The following TASP1 variants were observed in gnomAD, a reference collection of about 807,000 sequenced individuals.
TASP1 encodes taspase 1.
A neutral mutation model predicts 56.6 loss-of-function variants in TASP1; 16 were observed. The observed-to-expected ratio is 0.28, with a 90% CI of 0.19 to 0.43. TASP1 has a LOEUF of 0.43. TASP1 is among the 20% of genes least tolerant of loss of function. The pLI is 1.00. For missense variants in TASP1, 393 were observed against 511.6 expected (o/e 0.77, Z 2.24); for synonymous variants, 179 against 184.2 (o/e 0.97, Z 0.23).
At position 13,596,326 on chromosome 20, in the gene TASP1, G is replaced by C. The variant is rs994825122; in HGVS notation, c.283-8956C>G. Among the ~76,000 whole-genome samples, 4 of 148,804 alleles carry C rather than the reference G, an allele frequency of 2.7e-5. No homozygotes were observed. In the Admixed American group the frequency reaches 2.7e-4, roughly 10 times the overall value. The stretch of plus-strand genomic sequence containing the variant: ...GGAGGCGGAGGTTGCAGTGAGCCAA[G>C]ATCACACCATTGCACTCCAGCCTGG... On this transcript the variant is annotated intron_variant, in intron 4 of 13. Transcript: ENST00000337743.
the TASP1 span, among the ~76,000 whole-genome samples, chr20:13,220,144 C>T: frequency 2.6e-5 from 4 of 151,856 alleles, no homozygotes; most frequent in Non-Finnish European, 5.9e-5. Context: ...AGGGCTGGGC[C>T]GGCGCTGGGG....
chr20:13,580,874 G>A lies in TASP1; in HGVS notation c.488+23C>T, dbSNP rs546979957. 1.9e-6 allele frequency: 3 copies of A among 1,611,870 alleles called. No homozygotes were observed. The African/African-American group carries it at 4.0e-5, about 22-fold the overall frequency. ...TAAAAATGCACTAAAGACAGGGAAA[G>A]TCAGGAAGAACAAAGTGGTTACCAG... is the stretch of plus-strand genomic sequence containing the variant. On this transcript the variant is annotated intron_variant, in intron 6 of 13. Transcript: ENST00000337743.
the TASP1 span, among the ~76,000 whole-genome samples, chr20:13,290,251 T>A: frequency 6.6e-6 from 1 of 150,656 alleles, no homozygotes; most frequent in Non-Finnish European, 1.5e-5. Context: ...AAGCAATAAA[T>A]AATAACAATA....
chr20:13,515,548 T>TA (rs34077486), intron 10 of TASP1, among the ~76,000 whole-genome samples: 3,793 of 122,822 alleles, frequency 0.031, 138 homozygotes, highest in African/African-American at 0.095. Flanking sequence ...TTCATACACT[T>TA]AAAAAAAAAA....
At chr20:13,580,791 T>C (rs1303401412) in intron 6 of TASP1, 106 bp downstream of exon 6, 6 of 1,064,664 alleles carry the variant, frequency 5.6e-6, no homozygotes, top group Non-Finnish European at 2.8e-6. Context: ...ACAAAGTTTG[T>C]CTTCTTCGCA....
chr20:13,114,784 G>A, the TASP1 span, among the ~76,000 whole-genome samples: 2 of 152,044 alleles, frequency 1.3e-5, no homozygotes, highest in Admixed American at 6.5e-5. Context: ...CCACCAAGGA[G>A]ATTTTTCCAC....
At chr20:13,524,322 C>A (rs553591528) in intron 10 of TASP1, among the ~76,000 whole-genome samples, 2 of 152,220 alleles carry the variant, frequency 1.3e-5, no homozygotes, top group South Asian at 4.1e-4. Flanking sequence ...CCAGATATTT[C>A]TAACATTATG....
the TASP1 span, among the ~76,000 whole-genome samples, chr20:13,223,803 T>C: frequency 6.6e-6 from 1 of 152,218 alleles, no homozygotes; most frequent in African/African-American, 2.4e-5. Flanking sequence ...CTTCAAGATT[T>C]CTGGAAGTTA....
chr20:13,182,798 G>A, the TASP1 span, among the ~76,000 whole-genome samples: 3,362 of 152,200 alleles, frequency 0.022, 129 homozygotes, highest in East Asian at 0.2. Context: ...AACAAGTAGC[G>A]AATTATCTTT....
intron 5 of TASP1, among the ~76,000 whole-genome samples, chr20:13,582,025 G>C (rs1275501257): frequency 6.8e-6 from 1 of 147,840 alleles, no homozygotes; most frequent in Non-Finnish European, 1.5e-5. Context: ...TATATAAAGA[G>C]ACTACAAAAA....
chr20:13,547,479 G>GA (rs964730107), intron 8 of TASP1, among the ~76,000 whole-genome samples: 6 of 151,932 alleles, frequency 3.9e-5, no homozygotes, highest in East Asian at 1.9e-4. Flanking sequence ...TATTTGGTGA[G>GA]AAAAAAAGGT....
intron 10 of TASP1, among the ~76,000 whole-genome samples, chr20:13,501,789 TTACTA>T (rs2043957403): frequency 1.3e-5 from 2 of 151,948 alleles, no homozygotes; most frequent in South Asian, 2.1e-4. Context: ...GAAATATACT[TTACTA>T]TACAGACAAA....
At chr20:13,513,159 G>A (rs2044399667) in intron 10 of TASP1, among the ~76,000 whole-genome samples, 1 of 152,136 alleles carries the variant, frequency 6.6e-6, no homozygotes, top group Admixed American at 6.6e-5. Context: ...TGAGGAACAA[G>A]TCAGTCATTT....
intron 1 of TASP1, among the ~76,000 whole-genome samples, chr20:13,633,271 T>C (rs2049165941): frequency 1.3e-5 from 2 of 152,158 alleles, no homozygotes; most frequent in African/African-American, 4.8e-5. Context: ...CAGTACCATA[T>C]GCAAAGTATA....
chr20:13,253,109 G>A, the TASP1 span, among the ~76,000 whole-genome samples: 1 of 152,204 alleles, frequency 6.6e-6, no homozygotes, highest in Admixed American at 6.5e-5. Context: ...TCCATTTGGG[G>A]TACTTGCTAC....
the TASP1 span, among the ~76,000 whole-genome samples, chr20:13,133,550 A>G: frequency 1.3e-5 from 2 of 152,312 alleles, no homozygotes; most frequent in East Asian, 3.9e-4. Context: ...CCTGGCCAAC[A>G]AGGCAAAACC....
chr20:13,441,000 T>C (rs1482981130), intron 11 of TASP1, among the ~76,000 whole-genome samples: 1 of 152,202 alleles, frequency 6.6e-6, no homozygotes, highest in African/African-American at 2.4e-5. Context: ...CTGTTCCTTT[T>C]ACCACCAAAT....
At chr20:13,538,612 A>G (rs2045503098) in intron 8 of TASP1, among the ~76,000 whole-genome samples, 1 of 152,130 alleles carries the variant, frequency 6.6e-6, no homozygotes, top group Non-Finnish European at 1.5e-5. Flanking sequence ...AAGCTTTCAC[A>G]TCTCTGAGTA....
chr20:13,262,767 A>G, the TASP1 span, among the ~76,000 whole-genome samples: 2 of 152,180 alleles, frequency 1.3e-5, no homozygotes, highest in African/African-American at 4.8e-5. Context: ...AGAACCTTCA[A>G]TGAGGAGAGA....
Sources: gnomAD v4.1 joint callset for allele counts (sites outside exome capture counted in the v4.1 genomes callset) on GRCh38, gnomAD v4.1.1 for gene constraint, MANE v1.5 for transcripts, NCBI Gene and HGNC (gene_info 2026-07-23, HGNC 2026-07-21) for gene names.